GOLGA8B: variants seen among roughly 807,000 people sequenced by gnomAD.
GOLGA8B encodes golgin subfamily A member 8B.
Under a neutral mutation model 15.6 loss-of-function variants are expected in GOLGA8B, and 1 was observed. The ratio of observed to expected loss-of-function variants is 0.06; its 90% CI spans 0.02 to 0.30. The LOEUF (loss-of-function observed/expected upper bound fraction) is 0.30. Ranked by LOEUF, GOLGA8B falls within the 10% of genes least tolerant of loss-of-function variation. The probability of loss-of-function intolerance (pLI) is 1.00; values close to 1 mark genes in which losing one functional copy is unlikely to be tolerated. For synonymous variants in GOLGA8B, 9 were observed against 80.3 expected (o/e 0.11, Z 4.75); for missense variants, 17 against 201.3 (o/e 0.08, Z 5.54).
chr15:34,582,390 GAAAC>G (rs1237209831), intron 1 of GOLGA8B, among the ~76,000 whole-genome samples: 2 of 152,334 alleles, frequency 1.3e-5, no homozygotes, highest in Non-Finnish European at 2.9e-5. Flanking sequence ...GAAGAAAATA[GAAAC>G]AAACAAACAA....
rs1481432641 is a variant in GOLGA8B, at chr15:34,569,925, T to G, written c.-1123+13591A>C. 2.0e-5 allele frequency among the ~76,000 whole-genome samples: 3 copies of G among 152,084 alleles called. No individual in the cohort carries two copies. In the East Asian group the frequency reaches 5.8e-4, roughly 29 times the overall value. On this transcript the variant is annotated intron_variant, in intron 1 of 23. Coordinates refer to ENST00000683415, the MANE Select transcript of GOLGA8B (RefSeq NM_001023567.5). Reference sequence around the variant, plus strand: ...CCTCCCCTGGGGCCATGGGTCCCAGTGGAAATTTGGTGGCACGGGCAGCAT... The same window carrying G: ...CCTCCCCTGGGGCCATGGGTCCCAGGGGAAATTTGGTGGCACGGGCAGCAT...
At chr15:34,573,247 C>T (rs1485417184) in intron 1 of GOLGA8B, among the ~76,000 whole-genome samples, 4 of 152,056 alleles carry the variant, frequency 2.6e-5, no homozygotes, top group African/African-American at 4.8e-5. Context: ...TTAAAATTCA[C>T]CAGAAGTTAG....
chr15:34,557,643 A>AAT (rs937455597), intron 1 of GOLGA8B, among the ~76,000 whole-genome samples: 8 of 31,474 alleles, frequency 2.5e-4, no homozygotes, highest in African/African-American at 1.3e-3. Context: ...AGAATTCATG[A>AAT]ATGTGTGTGT....
At chr15:34,557,634 G>T in intron 1 of GOLGA8B, among the ~76,000 whole-genome samples, 1 of 62,486 alleles carries the variant, frequency 1.6e-5, no homozygotes. Context: ...TTTCTGAGAA[G>T]AATTCATGAA....
At chr15:34,581,755 C>T (rs1386605120) in intron 1 of GOLGA8B, among the ~76,000 whole-genome samples, 2 of 152,228 alleles carry the variant, frequency 1.3e-5, no homozygotes, top group East Asian at 3.9e-4. Context: ...ACTCACACTC[C>T]GTGGGACTCA....
At chr15:34,573,534 CTCAAAAA>C (rs1888981833) in intron 1 of GOLGA8B, among the ~76,000 whole-genome samples, 1 of 54,474 alleles carries the variant, frequency 1.8e-5, no homozygotes. Context: ...GAGACTCCGT[CTCAAAAA>C]AAAAAAAAAA....
At chr15:34,564,170 C>T (rs1354206493) in intron 1 of GOLGA8B, among the ~76,000 whole-genome samples, 3 of 145,308 alleles carry the variant, frequency 2.1e-5, no homozygotes, top group African/African-American at 2.5e-5. Flanking sequence ...AAACGTCCTA[C>T]AACACACAGG....
rs1888121621 is a variant in GOLGA8B, at chr15:34,528,094, T to TC, written c.1454-18dup. ...CAGCTTCACCTGAAGGGACGGGTGC[T>TC]CAGCTGTCAGGCCGCTGCTGGCGCC... is the stretch of plus-strand genomic sequence containing the variant. On this transcript the variant is annotated splice_polypyrimidine_tract_variant and intron_variant, in intron 22 of 23. Transcript: ENST00000683415. 1 of 576,576 alleles carries TC rather than the reference T, an allele frequency of 1.7e-6. No individual in the cohort carries two copies. The highest frequency in any genetic ancestry group is 2.7e-6 in the Non-Finnish European group (1 of 373,036). 35.7% of individuals were successfully genotyped at this position (576,576 alleles called of 1,614,324 possible).
At position 34,577,064 on chromosome 15, in the gene GOLGA8B, G is replaced by A. The variant is rs1019360171; in HGVS notation, c.-1123+6452C>T. Among the ~76,000 whole-genome samples the A allele has an allele frequency of 4.0e-5, 6 of 150,326 alleles. No homozygotes were observed. In the Admixed American group the frequency reaches 4.0e-4, roughly 10 times the overall value. ...GTGACGCTCTACAGCTGGCTCACAC[G>A]TGCAGGCAGAGCCTGGCTTCCCAGA... On this transcript the variant is annotated intron_variant, in intron 1 of 23. Coordinates refer to ENST00000683415, the MANE Select transcript of GOLGA8B (RefSeq NM_001023567.5).
intron 1 of GOLGA8B, among the ~76,000 whole-genome samples, chr15:34,579,612 G>A (rs1236222707): frequency 2.0e-5 from 3 of 152,202 alleles, no homozygotes; most frequent in African/African-American, 7.2e-5. Flanking sequence ...TGAAACTGAC[G>A]TTGCACAGTA....
intron 1 of GOLGA8B, among the ~76,000 whole-genome samples, chr15:34,570,470 T>G (rs890691182): frequency 8.4e-6 from 1 of 119,418 alleles, no homozygotes; most frequent in Non-Finnish European, 1.8e-5. Context: ...CCCTGGGGAC[T>G]GCTGAGCTAC....
chr15:34,532,742 G>T lies in GOLGA8B; in HGVS notation c.285+104C>A. 1.8e-6 allele frequency: 2 copies of T among 1,139,528 alleles called. 1 individual carries two copies. Among genetic ancestry groups the T allele is most frequent in the South Asian group, 2.9e-5 (2 of 67,962 alleles). 70.6% of individuals were successfully genotyped at this position (1,139,528 alleles called of 1,614,324 possible). Reference sequence around the variant, plus strand: ...GCCTGGGCGCCCCAGCTCCCTATCTGCCCTTGGCACCAGGGGCCCCCAGCC... The same window carrying T: ...GCCTGGGCGCCCCAGCTCCCTATCTTCCCTTGGCACCAGGGGCCCCCAGCC... On this transcript the variant is annotated intron_variant, in intron 11 of 23. Coordinates refer to ENST00000683415, the MANE Select transcript of GOLGA8B (RefSeq NM_001023567.5).
At chr15:34,578,692 T>C (rs1229962942) in intron 1 of GOLGA8B, among the ~76,000 whole-genome samples, 2 of 152,202 alleles carry the variant, frequency 1.3e-5, no homozygotes, top group African/African-American at 2.4e-5. Context: ...ACACACAGAA[T>C]TGCCCGATGA....
intron 1 of GOLGA8B, among the ~76,000 whole-genome samples, chr15:34,565,045 G>C (rs577991931): frequency 1.1e-4 from 16 of 144,068 alleles, no homozygotes; most frequent in Non-Finnish European, 2.6e-4. Context: ...GGGCTACGGA[G>C]AAGGTGGTTG....
intron 1 of GOLGA8B, among the ~76,000 whole-genome samples, chr15:34,559,235 C>T (rs1347837622): frequency 7.5e-5 from 11 of 146,900 alleles, no homozygotes; most frequent in East Asian, 2.1e-4. Flanking sequence ...AAGTAGAATG[C>T]GGGTGGCCAG....
chr15:34,570,067 T>C (rs902892050), intron 1 of GOLGA8B, among the ~76,000 whole-genome samples: 10 of 152,192 alleles, frequency 6.6e-5, no homozygotes, highest in Non-Finnish European at 1.5e-4. Context: ...ACCAGAGCTG[T>C]ACCCTACCCT....
At chr15:34,583,263 G>A (rs1210604077) in intron 1 of GOLGA8B, among the ~76,000 whole-genome samples, 3 of 151,890 alleles carry the variant, frequency 2.0e-5, no homozygotes, top group African/African-American at 7.2e-5. Context: ...AGTATTGCCT[G>A]GTCCCCGCCG....
intron 1 of GOLGA8B, among the ~76,000 whole-genome samples, chr15:34,575,204 G>T (rs1379886685): frequency 1.3e-5 from 2 of 151,872 alleles, no homozygotes; most frequent in East Asian, 3.9e-4. Context: ...TGGGGAGTGG[G>T]CTCCAGAGCC....
chr15:34,552,738 C>CA (rs909013559), intron 3 of GOLGA8B, among the ~76,000 whole-genome samples, 157 bp downstream of exon 3: 4 of 42,976 alleles, frequency 9.3e-5, no homozygotes, highest in South Asian at 9.6e-4. Flanking sequence ...AACTCCATCT[C>CA]AAAAAAAATA....
Sources: allele counts gnomAD v4.1 joint callset (sites outside exome capture counted in the v4.1 genomes callset), GRCh38; gene constraint gnomAD v4.1.1; transcripts MANE v1.5; gene names NCBI Gene and HGNC (gene_info 2026-07-23, HGNC 2026-07-21).